Variants in DYSF observed in about 807,000 individuals in gnomAD.
DYSF encodes the protein dysferlin.
Under a neutral mutation model 274.9 loss-of-function variants are expected in DYSF, and 212 were observed. The observed-to-expected ratio is 0.77, with a 90% CI of 0.69 to 0.86. The LOEUF is 0.86. Among genes scored for constraint, DYSF ranks in the 40% least tolerant of loss-of-function variants. The pLI, the probability that DYSF is intolerant of heterozygous loss-of-function variation, is 0.00. For missense variants in DYSF, 2,666 were observed against 2,783.2 expected (o/e 0.96, Z 0.95); for synonymous variants, 1,091 against 1,078.7 (o/e 1.01, Z -0.22).
At chr2:71,630,529 C>T (rs2094295684) in intron 41 of DYSF, among the ~76,000 whole-genome samples, 1 of 152,170 alleles carries the variant, frequency 6.6e-6, no homozygotes, top group Non-Finnish European at 1.5e-5. Flanking sequence ...GTTCAGACAC[C>T]TGTTGGGTCA....
At chr2:71,586,226 G>A (rs949072293) in intron 30 of DYSF, among the ~76,000 whole-genome samples, 5 of 152,084 alleles carry the variant, frequency 3.3e-5, no homozygotes, top group Admixed American at 6.5e-5. Flanking sequence ...AAGTTTGCCC[G>A]GATTGTGAAT....
intron 33 of DYSF, among the ~76,000 whole-genome samples, chr2:71,599,850 C>T (rs1185343546): frequency 6.6e-6 from 1 of 152,198 alleles, no homozygotes; most frequent in Non-Finnish European, 1.5e-5. Flanking sequence ...CACCAGATGG[C>T]AGGGGCAGCT....
chr2:71,466,667 G>T (rs1226992742), upstream of DYSF: 2 of 1,333,808 alleles, frequency 1.5e-6, no homozygotes, highest in East Asian at 5.8e-5. Context: ...GGTGTCCGGT[G>T]TCCTCCCTGC....
chr2:71,509,661 G>A (rs1278157769), intron 4 of DYSF, among the ~76,000 whole-genome samples: 1 of 152,102 alleles, frequency 6.6e-6, no homozygotes. Context: ...TGTTTAATCT[G>A]TTACTGTTAT....
intron 54 of DYSF, among the ~76,000 whole-genome samples, chr2:71,681,560 G>A (rs369556571): frequency 1.3e-5 from 2 of 152,310 alleles, no homozygotes; most frequent in African/African-American, 2.4e-5. Context: ...AGCTGCCTTC[G>A]GTGGCTCTCC....
chr2:71,549,253 T>C (rs2090743253), intron 17 of DYSF: 2 of 1,214,368 alleles, frequency 1.6e-6, no homozygotes, highest in South Asian at 2.5e-5. Flanking sequence ...TTTCCATCTG[T>C]CTGCCTGCCA....
chr2:71,510,914 A>G (rs2086022762), intron 4 of DYSF, among the ~76,000 whole-genome samples: 1 of 152,250 alleles, frequency 6.6e-6, no homozygotes, highest in Non-Finnish European at 1.5e-5. Context: ...ATTATGGACA[A>G]TTGGTTTTCT....
rs1553535902 is a variant in DYSF, at chr2:71,535,090, G to A, written c.1449+1G>A. On this transcript the variant is annotated splice_donor_variant, in intron 15 of 55. Coordinates refer to ENST00000410020, the MANE Select transcript of DYSF (RefSeq NM_001130987.2). LOFTEE classifies it high-confidence loss of function. ...CCAGAACATCACACTGCCTGCCATG[G>A]TGAGCCTCCTGCCCCCAGCAAACCC... The A allele has an allele frequency of 6.2e-7, 1 of 1,614,104 alleles. No individual in the cohort carries two copies. Among genetic ancestry groups the A allele is most frequent in the Non-Finnish European group, 8.5e-7 (1 of 1,180,018 alleles).
intron 1 of DYSF, among the ~76,000 whole-genome samples, chr2:71,478,832 T>C (rs6716317): frequency 0.73 from 111,429 of 151,766 alleles, 42,861 homozygotes; most frequent in Middle Eastern, 0.84. Context: ...CGTGCTCTCT[T>C]TCTCTTTTTT....
At chr2:71,554,212 C>T (rs565917217) in intron 21 of DYSF, among the ~76,000 whole-genome samples, 154 of 152,354 alleles carry the variant, frequency 1.0e-3, no homozygotes, top group Non-Finnish European at 1.8e-3. Context: ...TGCCACGCAG[C>T]AGGGCACGGC....
At chr2:71,611,171 T>G in intron 36 of DYSF, 74 bp from the exon 37 acceptor site, 1 of 1,103,730 alleles carries the variant, frequency 9.1e-7, no homozygotes, top group Non-Finnish European at 1.4e-6. Context: ...CTGTCCTATC[T>G]GTCCTTCTCT....
At chr2:71,678,717 A>T (rs193148669) in intron 52 of DYSF, among the ~76,000 whole-genome samples, 14 of 149,384 alleles carry the variant, frequency 9.4e-5, no homozygotes, top group East Asian at 1.9e-4. Flanking sequence ...AAAAATAATT[A>T]AAAAAAAATT....
chr2:71,601,263 C>T, intron 34 of DYSF: 1 of 633,236 alleles, frequency 1.6e-6, no homozygotes, highest in Non-Finnish European at 2.8e-6. Context: ...TACCTTCAAA[C>T]TTCCTCTTAG....
chr2:71,685,197 T>C (rs2095341969), intron 55 of DYSF, among the ~76,000 whole-genome samples: 1 of 152,158 alleles, frequency 6.6e-6, no homozygotes, highest in Non-Finnish European at 1.5e-5. Flanking sequence ...AGCAGAGTGG[T>C]ACTGTGGGGG....
chr2:71,604,479 G>A lies in DYSF; in HGVS notation c.3957+1674G>A, dbSNP rs151081469. ...AGTGCTCAAGCCTTTCTGGAGGGCTGGGAGCCTCCTCCTGAGCCCCTGGCC... is the reference window on the plus strand; with the variant it reads ...AGTGCTCAAGCCTTTCTGGAGGGCTAGGAGCCTCCTCCTGAGCCCCTGGCC... On this transcript the variant is annotated intron_variant, in intron 36 of 55. Transcript: ENST00000410020. 4.5e-3 allele frequency among the ~76,000 whole-genome samples: 685 copies of A among 152,308 alleles called. 7 individuals carry two copies. Among genetic ancestry groups the A allele is most frequent in the African/African-American group, 0.015 (636 of 41,590 alleles).
At chr2:71,564,847 C>T (rs556764494) in intron 24 of DYSF, among the ~76,000 whole-genome samples, 1 of 152,348 alleles carries the variant, frequency 6.6e-6, no homozygotes, top group South Asian at 2.1e-4. Context: ...GGACGGGTGA[C>T]AGGGAGGTGA....
At chr2:71,487,803 C>T (rs1259282849) in intron 3 of DYSF, among the ~76,000 whole-genome samples, 7 of 152,158 alleles carry the variant, frequency 4.6e-5, no homozygotes, top group Admixed American at 4.6e-4. Context: ...GCCACTGTGC[C>T]TGGTCTGATG....
chr2:71,576,918 C>T (rs1010561283), intron 30 of DYSF: 1 of 152,252 alleles, frequency 6.6e-6, no homozygotes, highest in Non-Finnish European at 1.5e-5. Context: ...TGAGGGATCA[C>T]TGAAACTAGG....
At chr2:71,486,170 T>C (rs1344735379) in intron 3 of DYSF, among the ~76,000 whole-genome samples, 2 of 152,090 alleles carry the variant, frequency 1.3e-5, no homozygotes, top group Admixed American at 6.6e-5. Flanking sequence ...GTGGGAATCC[T>C]GGGCGTGTCT....
Sources: allele counts gnomAD v4.1 joint callset (sites outside exome capture counted in the v4.1 genomes callset), GRCh38; gene constraint gnomAD v4.1.1; transcripts MANE v1.5; gene names NCBI Gene and HGNC (gene_info 2026-07-23, HGNC 2026-07-21).